FAM3D: variants seen among roughly 807,000 people sequenced by gnomAD.
FAM3D encodes the protein protein FAM3D.
A neutral mutation model predicts 29.8 loss-of-function variants in FAM3D; 26 were observed. The observed-to-expected ratio is 0.87, with a 90% confidence interval of 0.64 to 1.21. The LOEUF is 1.21. FAM3D is among the 50% of genes most tolerant of loss of function. The probability of loss-of-function intolerance (pLI) is 0.00; values close to 1 mark genes in which losing one functional copy is unlikely to be tolerated. For synonymous variants in FAM3D, 115 were observed against 102.3 expected (o/e 1.12, Z -0.75); for missense variants, 253 against 290.9 (o/e 0.87, Z 0.95).
chr3:58,636,209 T>G, intron 9 of FAM3D, 85 bp downstream of exon 9: 1 of 1,543,622 alleles, frequency 6.5e-7, no homozygotes, highest in Non-Finnish European at 8.7e-7. Context: ...TTAAGGCCCC[T>G]GGGAGGTGAA....
At position 58,635,174 on chromosome 3, in the gene FAM3D, C is replaced by G. The variant is rs1009586288; in HGVS notation, c.586-806G>C. Among the ~76,000 whole-genome samples the G allele has an allele frequency of 1.3e-5, 2 of 152,014 alleles. No homozygotes were observed. The highest frequency in any genetic ancestry group is 2.9e-5 in the Non-Finnish European group (2 of 68,008). On this transcript the variant is annotated intron_variant, in intron 9 of 9. Transcript: ENST00000358781. The surrounding 1 kb of genome is among the most constrained non-coding windows in gnomAD (Gnocchi z 5.2). ...TAGGTGACAGAGCGAGACCCTATCT[C>G]TAAAATATATATATACTAGTAATAA... is the stretch of plus-strand genomic sequence containing the variant.
intron 4 of FAM3D, among the ~76,000 whole-genome samples, chr3:58,648,021 G>C (rs931781853): frequency 1.7e-4 from 26 of 152,202 alleles, no homozygotes; most frequent in Non-Finnish European, 1.2e-4. Context: ...AATCTCTCAA[G>C]GCTGCCTATG....
rs983126818 is a variant in FAM3D at position 58,659,793 on chromosome 3, C to CT, written c.-38-4193dup. ...GCTGCTCCCTCCATCTAAATGACTTCTTTTTTTTTCACCTCATTACTAACA... is the reference window on the plus strand; with the variant it reads ...GCTGCTCCCTCCATCTAAATGACTTCTTTTTTTTTTCACCTCATTACTAACA... On this transcript the variant is annotated intron_variant, in intron 1 of 9. Transcript: ENST00000358781. 5.3e-5 allele frequency among the ~76,000 whole-genome samples: 8 copies of CT among 151,660 alleles called. No individual in the cohort carries two copies. In the East Asian group the frequency reaches 5.8e-4, roughly 11 times the overall value.
chr3:58,662,165 A>T (rs575604196), intron 1 of FAM3D, among the ~76,000 whole-genome samples: 640 of 152,030 alleles, frequency 4.2e-3, no homozygotes, highest in Non-Finnish European at 6.4e-3. Context: ...ATCTGGGTTC[A>T]CCCCCTGGCC....
rs1415366810 is a variant in FAM3D, at chr3:58,635,204, G to A, written c.586-836C>T. 6.6e-6 allele frequency among the ~76,000 whole-genome samples: 1 copy of A among 152,142 alleles called. No homozygotes were observed. Among genetic ancestry groups the A allele is most frequent in the Non-Finnish European group, 1.5e-5 (1 of 68,020 alleles). Reference sequence around the variant, plus strand: ...ATATATATATACTAGTAATAAGTATGTAAGAAGAATAAAATCACTTAGGAT... The same window carrying A: ...ATATATATATACTAGTAATAAGTATATAAGAAGAATAAAATCACTTAGGAT... On this transcript the variant is annotated intron_variant, in intron 9 of 9. Coordinates refer to ENST00000358781, the MANE Select transcript of FAM3D (RefSeq NM_138805.3). The surrounding 1 kb of genome is among the most constrained non-coding windows in gnomAD (Gnocchi z 5.2).
rs2066149323 is a variant in FAM3D at position 58,635,828 on chromosome 3, C to G, written c.585+466G>C. 6.6e-6 allele frequency among the ~76,000 whole-genome samples: 1 copy of G among 152,210 alleles called. No individual in the cohort carries two copies. Among genetic ancestry groups the G allele is most frequent in the East Asian group, 1.9e-4 (1 of 5,196 alleles). On this transcript the variant is annotated intron_variant, in intron 9 of 9. Transcript: ENST00000358781. This position sits in a 1 kb window ranked among gnomAD's most constrained non-coding sequence, Gnocchi z 5.2. ...ACACGGTTCCCTGCACCTGCCCCCT[C>G]CAGCACCTCTTGTCTGATGATGGCA...
intron 9 of FAM3D, among the ~76,000 whole-genome samples, chr3:58,636,078 C>A (rs984271354): frequency 1.1e-4 from 16 of 152,318 alleles, no homozygotes; most frequent in African/African-American, 3.8e-4. Flanking sequence ...TGTATACCTG[C>A]GTATCTATAT....
In FAM3D at chr3:58,634,930, C is replaced by T. The variant is rs2066119397; in HGVS notation, c.586-562G>A. On this transcript the variant is annotated intron_variant, in intron 9 of 9. Coordinates refer to ENST00000358781, the MANE Select transcript of FAM3D (RefSeq NM_138805.3). This position sits in a 1 kb window ranked among gnomAD's most constrained non-coding sequence, Gnocchi z 4.6. ...GTGGCTCACACCTATCATCCCAGCA[C>T]TTTGGGAGGGTAAGGAAGGAGGGTC... 1.3e-5 allele frequency among the ~76,000 whole-genome samples: 2 copies of T among 152,096 alleles called. No individual in the cohort carries two copies. The highest frequency in any genetic ancestry group is 4.8e-5 in the African/African-American group (2 of 41,402).
At chr3:58,664,897 C>A (rs1575497093) in intron 1 of FAM3D, among the ~76,000 whole-genome samples, 1 of 152,208 alleles carries the variant, frequency 6.6e-6, no homozygotes, top group African/African-American at 2.4e-5. Context: ...GTCGGCTGCC[C>A]ACTTGAAGTC....
chr3:58,639,975 A>G, intron 7 of FAM3D, 152 bp downstream of exon 7: 1 of 757,980 alleles, frequency 1.3e-6, no homozygotes, highest in East Asian at 2.5e-5. Flanking sequence ...GCAGCAGGAC[A>G]CCCTCAACCC....
At chr3:58,649,473 T>C in intron 3 of FAM3D, 135 bp from the exon 4 acceptor site, 1 of 948,346 alleles carries the variant, frequency 1.1e-6, no homozygotes, top group Non-Finnish European at 1.6e-6. Context: ...TAAAAATGCC[T>C]TGCCACTGTC....
intron 4 of FAM3D, among the ~76,000 whole-genome samples, chr3:58,645,998 T>C (rs914891598): frequency 6.6e-6 from 1 of 152,224 alleles, no homozygotes; most frequent in African/African-American, 2.4e-5. Context: ...CAGAGGCCCC[T>C]GTTGAGAACT....
chr3:58,640,278 A>C, intron 6 of FAM3D, 101 bp from the exon 7 acceptor site: 9 of 1,329,814 alleles, frequency 6.8e-6, no homozygotes, highest in Admixed American at 3.4e-5. Flanking sequence ...CTAAAAACAG[A>C]ATAAGAATCT....
intron 4 of FAM3D, 38 bp downstream of exon 4, chr3:58,649,277 T>G (rs752057803): frequency 1.2e-6 from 2 of 1,603,514 alleles, no homozygotes; most frequent in South Asian, 1.1e-5. Context: ...GGTGAGTGGA[T>G]GAGGTCGGGG....
At position 58,649,315 on chromosome 3, in the gene FAM3D, G is replaced by A. The variant is rs777547616; in HGVS notation, c.145C>T (p.Gln49Ter). Residue 49 changes from glutamine to a stop codon, truncating the protein, a stop_gained and splice_region_variant, in exon 4 of 10, where the codon CAG (glutamine) becomes TAG (stop). Transcript: ENST00000358781. LOFTEE classifies it high-confidence loss of function. ...WLAASPTKEI[Q>*]VKKYKCGLIK... ...GGTGTGGGGCTGCACAGATACTCAC[G>A]GATCTCCTTGGTGGGCGAGGCTGCT... is the stretch of plus-strand genomic sequence containing the variant. 4.3e-6 allele frequency: 7 copies of A among 1,613,762 alleles called. No individual in the cohort carries two copies. Among genetic ancestry groups the A allele is most frequent in the Non-Finnish European group, 5.9e-6 (7 of 1,179,794 alleles).
chr3:58,643,568 G>A, intron 6 of FAM3D, 94 bp downstream of exon 6: 1 of 1,317,468 alleles, frequency 7.6e-7, no homozygotes, highest in Admixed American at 1.7e-5. Flanking sequence ...CATGAGGTAG[G>A]AGCTGAGCCA....
At chr3:58,656,860 T>C (rs1049715857) in intron 1 of FAM3D, among the ~76,000 whole-genome samples, 1 of 152,188 alleles carries the variant, frequency 6.6e-6, no homozygotes, top group African/African-American at 2.4e-5. Flanking sequence ...TGGCCCTCCA[T>C]ATGTACATTG....
chr3:58,643,542 C>T, intron 6 of FAM3D, 120 bp downstream of exon 6: 1 of 1,104,766 alleles, frequency 9.1e-7, no homozygotes, highest in East Asian at 2.4e-5. Context: ...CTCCTGAGCT[C>T]TACGGGCATT....
At chr3:58,663,425 T>A (rs2066970803) in intron 1 of FAM3D, among the ~76,000 whole-genome samples, 1 of 152,212 alleles carries the variant, frequency 6.6e-6, no homozygotes, top group Non-Finnish European at 1.5e-5. Context: ...AAGTCAGAAT[T>A]ATCTCTGGAC....
Sources: allele counts gnomAD v4.1 joint callset (sites outside exome capture counted in the v4.1 genomes callset), GRCh38; gene constraint gnomAD v4.1.1; non-coding constraint Gnocchi (gnomAD v3.1); transcripts MANE v1.5; gene names NCBI Gene and HGNC (gene_info 2026-07-23, HGNC 2026-07-21).